Variants in TGFA observed in about 807,000 individuals in gnomAD.
TGFA encodes transforming growth factor alpha.
Under a neutral mutation model 21.7 loss-of-function variants are expected in TGFA, and 12 were observed. That is an observed-to-expected ratio of 0.55 (90% CI 0.35 to 0.90). TGFA has a LOEUF of 0.90. TGFA is among the 40% of genes least tolerant of loss of function. The pLI is 0.01. For missense variants in TGFA, 178 were observed against 210.8 expected, an observed-to-expected ratio of 0.84 and a Z score of 0.96; for synonymous variants, 79 against 88.1, an observed-to-expected ratio of 0.90 and a Z score of 0.58.
At chr2:70,472,467 T>A (rs1670783271) in intron 2 of TGFA, among the ~76,000 whole-genome samples, 1 of 152,146 alleles carries the variant, frequency 6.6e-6, no homozygotes, top group African/African-American at 2.4e-5. Context: ...TGTGAAAGCT[T>A]TGCCTAGAGA....
At chr2:70,527,251 T>A (rs1001553796) in intron 1 of TGFA, among the ~76,000 whole-genome samples, 3 of 152,244 alleles carry the variant, frequency 2.0e-5, no homozygotes, top group Non-Finnish European at 4.4e-5. Context: ...ATTCATACAA[T>A]GGGATATTAT....
At chr2:70,491,646 A>C (rs1236965733) in intron 2 of TGFA, among the ~76,000 whole-genome samples, 1 of 152,176 alleles carries the variant, frequency 6.6e-6, no homozygotes, top group African/African-American at 2.4e-5. Context: ...CCTTCCCCGG[A>C]GACAGTGGCA....
chr2:70,545,363 T>C (rs1673268456), intron 1 of TGFA, among the ~76,000 whole-genome samples: 1 of 152,182 alleles, frequency 6.6e-6, no homozygotes, highest in Non-Finnish European at 1.5e-5. Context: ...CCAGAGTCTG[T>C]GAGAGTCCAA....
chr2:70,454,374 C>T (rs1330849835), intron 4 of TGFA, among the ~76,000 whole-genome samples: 4 of 152,236 alleles, frequency 2.6e-5, no homozygotes, highest in African/African-American at 9.6e-5. Context: ...GCTCTGAGAC[C>T]TTCCTGCCCA....
chr2:70,551,073 C>CG (rs67682363), intron 1 of TGFA, among the ~76,000 whole-genome samples: 6 of 151,958 alleles, frequency 3.9e-5, no homozygotes, highest in South Asian at 2.1e-4. Context: ...GTAACAACAA[C>CG]AATGATGATG....
intron 3 of TGFA, among the ~76,000 whole-genome samples, chr2:70,460,060 G>A (rs112086683): frequency 9.1e-4 from 139 of 152,316 alleles, no homozygotes; most frequent in African/African-American, 3.2e-3. Flanking sequence ...TTTAAAGAAA[G>A]GGCCAAAAGG....
chr2:70,531,952 A>C (rs1672823001), intron 1 of TGFA, among the ~76,000 whole-genome samples: 1 of 152,230 alleles, frequency 6.6e-6, no homozygotes, highest in African/African-American at 2.4e-5. Context: ...ATACTCACAC[A>C]AAATTATTGC....
Position 70,448,774 on chromosome 2 carries a change from TA to T in TGFA, c.*2084del. 6.6e-6 allele frequency: 1 copy of T among 152,326 alleles called. No homozygotes were observed. Among genetic ancestry groups the T allele is most frequent in the East Asian group, 1.9e-4 (1 of 5,176 alleles). The allele number at this position is 152,326 out of a possible 1,614,324, so 9.4% of individuals were successfully genotyped here. On this transcript the variant is annotated 3_prime_UTR_variant, in exon 6 of 6. Transcript: ENST00000295400. ...GTGAGGCCTCTCACTGCATGTGTGT[TA>T]CAGGCATAAGGATGAGGGCACTGGC...
At chr2:70,549,023 C>A (rs1553506403) in intron 1 of TGFA, among the ~76,000 whole-genome samples, 2 of 152,148 alleles carry the variant, frequency 1.3e-5, no homozygotes, top group Admixed American at 1.3e-4. Flanking sequence ...AACATATTAG[C>A]CCTTTAGCAA....
intron 2 of TGFA, among the ~76,000 whole-genome samples, chr2:70,507,113 C>T (rs1215446384): frequency 6.6e-6 from 1 of 152,192 alleles, no homozygotes; most frequent in Non-Finnish European, 1.5e-5. Flanking sequence ...ATGGGTGTCC[C>T]TCATGCAAGG....
chr2:70,547,258 C>A (rs1673333849), intron 1 of TGFA, among the ~76,000 whole-genome samples: 1 of 152,102 alleles, frequency 6.6e-6, no homozygotes, highest in Non-Finnish European at 1.5e-5. Context: ...GGGAGTATTT[C>A]CCAGCCACTA....
At chr2:70,469,992 AG>A (rs1407902312) in intron 2 of TGFA, among the ~76,000 whole-genome samples, 1 of 152,184 alleles carries the variant, frequency 6.6e-6, no homozygotes, top group Non-Finnish European at 1.5e-5. Context: ...TTATAAAAAT[AG>A]GTACCATAAA....
chr2:70,539,033 T>G (rs418647), intron 1 of TGFA, among the ~76,000 whole-genome samples: 88,404 of 152,006 alleles, frequency 0.58, 25,858 homozygotes, highest in African/African-American at 0.63. Flanking sequence ...ATCAAGGTGA[T>G]ATCCTTCACC....
At chr2:70,481,212 T>A (rs1036709999) in intron 2 of TGFA, among the ~76,000 whole-genome samples, 1 of 152,176 alleles carries the variant, frequency 6.6e-6, no homozygotes, top group African/African-American at 2.4e-5. Flanking sequence ...TTCTACCCAG[T>A]CAGGGTTCTG....
At chr2:70,541,258 T>C (rs1441794040) in intron 1 of TGFA, among the ~76,000 whole-genome samples, 1 of 152,256 alleles carries the variant, frequency 6.6e-6, no homozygotes, top group Non-Finnish European at 1.5e-5. Flanking sequence ...TAACAGAATA[T>C]ATCCTAGCCA....
At chr2:70,528,532 T>G (rs1672712730) in intron 1 of TGFA, among the ~76,000 whole-genome samples, 1 of 150,712 alleles carries the variant, frequency 6.6e-6, no homozygotes, top group Non-Finnish European at 1.5e-5. Context: ...GGCGGGTGGG[T>G]CTTCCAGAGA....
intron 1 of TGFA, among the ~76,000 whole-genome samples, chr2:70,522,959 T>G (rs74907856): frequency 1.4e-3 from 215 of 152,302 alleles, no homozygotes; most frequent in African/African-American, 5.0e-3. Context: ...GCCATTGAAC[T>G]CCATTATAAA....
chr2:70,459,043 A>G (rs1485883945), intron 3 of TGFA, among the ~76,000 whole-genome samples: 1 of 152,238 alleles, frequency 6.6e-6, no homozygotes, highest in Non-Finnish European at 1.5e-5. Flanking sequence ...GAAAGGTACC[A>G]TAATGAGGAT....
intron 2 of TGFA, among the ~76,000 whole-genome samples, chr2:70,475,357 C>G (rs1475551696): frequency 9.9e-5 from 15 of 152,210 alleles, no homozygotes; most frequent in Non-Finnish European, 1.5e-5. Flanking sequence ...GAAATCCTCA[C>G]TATCTCATCT....
Sources: gnomAD v4.1 joint callset for allele counts (sites outside exome capture counted in the v4.1 genomes callset) on GRCh38, gnomAD v4.1.1 for gene constraint, MANE v1.5 for transcripts, NCBI Gene and HGNC (gene_info 2026-07-23, HGNC 2026-07-21) for gene names.